The following ZBTB20 variants were observed in gnomAD, a reference collection of about 807,000 sequenced individuals.
ZBTB20 encodes zinc finger and BTB domain containing 20.
Under a neutral mutation model 56.9 loss-of-function variants are expected in ZBTB20, and 9 were observed. That is an observed-to-expected ratio of 0.16 (90% CI 0.10 to 0.28). The LOEUF (loss-of-function observed/expected upper bound fraction) is 0.28, where lower values mean the gene tolerates loss of function less well. Ranked by LOEUF, ZBTB20 falls within the 10% of genes least tolerant of loss-of-function variation. The pLI, the probability that ZBTB20 is intolerant of heterozygous loss-of-function variation, is 1.00. For synonymous variants in ZBTB20, 417 were observed against 420.7 expected, an observed-to-expected ratio of 0.99 and a Z score of 0.11; for missense variants, 655 against 1,003.0, an observed-to-expected ratio of 0.65 and a Z score of 4.69.
At chr3:114,681,685 G>A (rs752432585) in intron 6 of ZBTB20, among the ~76,000 whole-genome samples, 2 of 152,168 alleles carry the variant, frequency 1.3e-5, no homozygotes, top group Non-Finnish European at 2.9e-5. Flanking sequence ...GAATACTACT[G>A]TTCCTAACAT....
At chr3:114,671,450 A>G (rs1027840879) in intron 6 of ZBTB20, among the ~76,000 whole-genome samples, 1 of 152,146 alleles carries the variant, frequency 6.6e-6, no homozygotes, top group Non-Finnish European at 1.5e-5. Context: ...AATAATCTTG[A>G]AGGGATCCAA....
At chr3:114,414,547 A>T (rs948781964) in intron 7 of ZBTB20, among the ~76,000 whole-genome samples, 6 of 152,170 alleles carry the variant, frequency 3.9e-5, no homozygotes, top group African/African-American at 1.4e-4. Flanking sequence ...AGGCTGTGAT[A>T]ACATATCTTA....
intron 1 of ZBTB20, among the ~76,000 whole-genome samples, chr3:115,075,758 T>C (rs761271453): frequency 5.3e-5 from 8 of 152,026 alleles, no homozygotes; most frequent in Admixed American, 4.6e-4. Flanking sequence ...CTATTCTACA[T>C]AGTACTGGAA....
At chr3:115,052,268 A>T (rs1490829341) in intron 2 of ZBTB20, among the ~76,000 whole-genome samples, 1 of 151,988 alleles carries the variant, frequency 6.6e-6, no homozygotes, top group African/African-American at 2.4e-5. Flanking sequence ...ACAATCCTGG[A>T]CAACATGGTG....
intron 7 of ZBTB20, among the ~76,000 whole-genome samples, chr3:114,405,038 CAG>C (rs2087175472): frequency 6.6e-6 from 1 of 151,874 alleles, no homozygotes; most frequent in African/African-American, 2.4e-5. Flanking sequence ...AGGAAGCACT[CAG>C]AGAATACCAG....
chr3:114,477,456 C>G (rs1269776880), intron 7 of ZBTB20, among the ~76,000 whole-genome samples: 1 of 147,466 alleles, frequency 6.8e-6, no homozygotes, highest in Admixed American at 6.7e-5. Flanking sequence ...GAATTCATCT[C>G]TAAGCTACTG....
chr3:114,675,414 CG>C (rs950468678), intron 6 of ZBTB20, among the ~76,000 whole-genome samples: 2 of 152,028 alleles, frequency 1.3e-5, no homozygotes, highest in Admixed American at 6.6e-5. Flanking sequence ...ATGGACTAAA[CG>C]TGACAATGCG....
chr3:114,393,473 T>C (rs992049101), intron 7 of ZBTB20, among the ~76,000 whole-genome samples: 15 of 152,350 alleles, frequency 9.8e-5, no homozygotes, highest in African/African-American at 3.1e-4. Context: ...ATCCTGCTGC[T>C]ATAATCTTAC....
At chr3:114,370,398 A>AATC (rs1367840417) in intron 10 of ZBTB20, among the ~76,000 whole-genome samples, 2 of 152,130 alleles carry the variant, frequency 1.3e-5, no homozygotes, top group Non-Finnish European at 2.9e-5. Context: ...TCTTGACAAC[A>AATC]ATCAGGAGGC....
At chr3:115,062,685 A>G (rs1379953977) in intron 2 of ZBTB20, among the ~76,000 whole-genome samples, 1 of 152,016 alleles carries the variant, frequency 6.6e-6, no homozygotes, top group African/African-American at 2.4e-5. Context: ...TTTGATTATT[A>G]AAAGACAATC....
At chr3:114,763,704 T>C (rs2068595440) in intron 5 of ZBTB20, among the ~76,000 whole-genome samples, 2 of 152,138 alleles carry the variant, frequency 1.3e-5, no homozygotes, top group African/African-American at 4.8e-5. Context: ...TGTTGAAAGA[T>C]TTCAACAAAA....
chr3:114,955,068 G>A (rs1415270241), intron 3 of ZBTB20, among the ~76,000 whole-genome samples: 4 of 152,152 alleles, frequency 2.6e-5, no homozygotes, highest in African/African-American at 9.7e-5. Flanking sequence ...TGAATCCTGA[G>A]GTGAAGGGCA....
intron 7 of ZBTB20, among the ~76,000 whole-genome samples, chr3:114,458,248 G>A (rs1368107937): frequency 6.6e-6 from 1 of 152,000 alleles, no homozygotes; most frequent in Non-Finnish European, 1.5e-5. Context: ...ATTTTCCCCC[G>A]ACTATGCCAT....
At chr3:115,021,783 G>A (rs1470607405) in intron 2 of ZBTB20, among the ~76,000 whole-genome samples, 3 of 150,618 alleles carry the variant, frequency 2.0e-5, no homozygotes, top group Non-Finnish European at 4.5e-5. Flanking sequence ...CAATGGAAAT[G>A]TTTGTATATT....
intron 7 of ZBTB20, among the ~76,000 whole-genome samples, chr3:114,425,064 C>T (rs753705182): frequency 4.0e-5 from 6 of 149,684 alleles, no homozygotes; most frequent in Admixed American, 1.3e-4. Context: ...TCTGAATGCC[C>T]TCTTATGCAC....
At position 114,350,671 on chromosome 3, in the gene ZBTB20, T is replaced by C. The variant is rs1016200753; in HGVS notation, c.1407A>G (p.Pro469=). The C allele has an allele frequency of 6.2e-7, 1 of 1,614,194 alleles. No homozygotes were observed. The highest frequency in any genetic ancestry group is 2.2e-5 in the East Asian group (1 of 44,870). The change falls in exon 11 of 12, where the codon CCA becomes CCG. Residue 469 remains proline (P), a synonymous_variant. Transcript: ENST00000675478. ...GTAAGTAGAGCTGGGTACTTGGCAA[T>C]GGCTGCCCGATGGACGTGTTGACCG... is the stretch of plus-strand genomic sequence containing the variant. ...QPSVNTSIGQ[P]LPSTQLYLRQ...
At chr3:114,544,910 T>C (rs1363028936) in intron 6 of ZBTB20, among the ~76,000 whole-genome samples, 2 of 152,220 alleles carry the variant, frequency 1.3e-5, no homozygotes, top group Non-Finnish European at 2.9e-5. Flanking sequence ...GAAGATAGTA[T>C]GTCTAGGAAC....
intron 2 of ZBTB20, among the ~76,000 whole-genome samples, chr3:115,053,073 C>T (rs1485350700): frequency 1.3e-5 from 2 of 152,300 alleles, no homozygotes; most frequent in South Asian, 2.1e-4. Flanking sequence ...TTTAGCTCCC[C>T]TTTCAAGAAC....
In ZBTB20 at chr3:114,637,217, T is replaced by A. The variant is rs575361307; in HGVS notation, c.-295+56311A>T. Among the ~76,000 whole-genome samples the A allele has an allele frequency of 7.2e-5, 11 of 152,190 alleles. No individual in the cohort carries two copies. The South Asian group carries it at 2.3e-3, about 32-fold the overall frequency. ...GAACAAAAACTGAATAATTGTAAAC[T>A]ATTATTATGAAGTAGAGATCTCCAA... is the stretch of plus-strand genomic sequence containing the variant. On this transcript the variant is annotated intron_variant, in intron 6 of 11. Transcript: ENST00000675478.
Sources: gnomAD v4.1 joint callset for allele counts (sites outside exome capture counted in the v4.1 genomes callset) on GRCh38, gnomAD v4.1.1 for gene constraint, MANE v1.5 for transcripts, NCBI Gene and HGNC (gene_info 2026-07-23, HGNC 2026-07-21) for gene names.